The following ABCB9 variants were observed in gnomAD, a reference collection of about 807,000 sequenced individuals.
ABCB9 encodes ATP binding cassette subfamily B member 9.
A neutral mutation model predicts 62.0 loss-of-function variants in ABCB9; 36 were observed. That is an observed-to-expected ratio of 0.58 (90% confidence interval 0.45 to 0.77). The LOEUF is 0.77. Among genes scored for constraint, ABCB9 ranks in the 30% least tolerant of loss-of-function variants. The probability of loss-of-function intolerance (pLI) is 0.00; values close to 1 mark genes in which losing one functional copy is unlikely to be tolerated. For missense variants in ABCB9, 943 were observed against 1,054.7 expected, an observed-to-expected ratio of 0.89 and a Z score of 1.47; for synonymous variants, 435 against 461.4, an observed-to-expected ratio of 0.94 and a Z score of 0.73.
Position 122,930,288 on chromosome 12 carries a change from T to G in ABCB9, c.2041-117A>C. 1.9e-6 allele frequency: 2 copies of G among 1,066,970 alleles called. No homozygotes were observed. Among genetic ancestry groups the G allele is most frequent in the Non-Finnish European group, 2.6e-6 (2 of 762,426 alleles). The allele number at this position is 1,066,970 out of a possible 1,614,324, so 66.1% of individuals were successfully genotyped here. A position where few individuals can be genotyped will look rare whatever the true frequency, so the allele number is the denominator to read the frequency against. ...TCTCTGAGGCTCAGTTCACAAACGA[T>G]GGCCAGCTTCCTGGGTTTTTCTTAA... is the stretch of plus-strand genomic sequence containing the variant. On this transcript the variant is annotated intron_variant, in intron 11 of 11. Coordinates refer to ENST00000280560, the MANE Select transcript of ABCB9 (RefSeq NM_019625.4). This position sits in a 1 kb window ranked among gnomAD's most constrained non-coding sequence, Gnocchi z 4.9.
Position 122,948,676 on chromosome 12 carries a change from A to G in ABCB9, c.1001T>C (p.Met334Thr), listed in dbSNP as rs1403108689. Residue 334 changes from methionine (M) to threonine (T), a missense_variant, in exon 5 of 12, where the codon ATG (methionine) becomes ACG (threonine). By Grantham distance (81) the Met-to-Thr change is moderately conservative. Transcript: ENST00000280560. ...LSWQLSLVTF[M>T]GFPIIMMVSN... Reference sequence around the variant, plus strand: ...CACCATCATGATGATGGGGAAGCCCATGAAGGTGACCAAGGAGAGCTGCCA... The same window carrying G: ...CACCATCATGATGATGGGGAAGCCCGTGAAGGTGACCAAGGAGAGCTGCCA... 2.5e-6 allele frequency: 4 copies of G among 1,614,054 alleles called. No homozygotes were observed. The highest frequency in any genetic ancestry group is 2.5e-6 in the Non-Finnish European group (3 of 1,179,952).
At position 122,949,932 on chromosome 12, in the gene ABCB9, AGAGAT is replaced by A. The variant is rs1204583188; in HGVS notation, c.717-19_717-15del. 8 of 1,613,292 alleles carry A rather than the reference AGAGAT, an allele frequency of 5.0e-6. No homozygotes were observed. Among genetic ancestry groups the A allele is most frequent in the Non-Finnish European group, 6.8e-6 (8 of 1,179,436 alleles). ...GCGGCAAATGAGCTAATTGCAGATA[AGAGAT>A]ATTATAGCACGATGTCCTTCCAGAC... On this transcript the variant is annotated splice_polypyrimidine_tract_variant and intron_variant, in intron 3 of 11. Transcript: ENST00000280560.
chr12:122,940,178 T>C lies in ABCB9; in HGVS notation c.1676A>G (p.Glu559Gly), dbSNP rs2035677955. 6.2e-7 allele frequency: 1 copy of C among 1,613,428 alleles called. No homozygotes were observed. Among genetic ancestry groups the C allele is most frequent in the Non-Finnish European group, 8.5e-7 (1 of 1,179,828 alleles). The change falls in exon 9 of 12, where the codon GAG (glutamate) becomes GGG (glycine). Residue 559 changes from glutamate (E) to glycine (G), a missense_variant. By Grantham distance (98) the Glu-to-Gly change is moderately conservative. Coordinates refer to ENST00000280560, the MANE Select transcript of ABCB9 (RefSeq NM_019625.4). This position sits in a 1 kb window ranked among gnomAD's most constrained non-coding sequence, Gnocchi z 4.8. ...GCCGTCCAGCAGCACCCGGCCCCCC[T>C]CCAGGGGGTAGAAGTTCTCCAGGAT... Reference protein sequence around the residue: ...VNILENFYPLEGGRVLLDGKP... With the variant: ...VNILENFYPLGGGRVLLDGKP...
chr12:122,938,391 G>A (rs2135793339), intron 9 of ABCB9, among the ~76,000 whole-genome samples: 1 of 152,200 alleles, frequency 6.6e-6, no homozygotes, highest in Admixed American at 6.5e-5. Flanking sequence ...AATTAGCTGG[G>A]CATAATGGCA....
At chr12:122,954,456 C>T (rs113974324) in intron 2 of ABCB9, among the ~76,000 whole-genome samples, 2 of 151,966 alleles carry the variant, frequency 1.3e-5, no homozygotes, top group Admixed American at 6.6e-5. Flanking sequence ...GATCTGCCCC[C>T]CCTTGCTGAG....
In ABCB9 at chr12:122,948,780, CAGGTCGCTGACCATGGTGGTGTCCG is replaced by C; in HGVS notation, c.872_896del (p.Ser291TrpfsTer42). 1 of 1,607,100 alleles carries C rather than the reference CAGGTCGCTGACCATGGTGGTGTCCG, an allele frequency of 6.2e-7. No homozygotes were observed. Among genetic ancestry groups the C allele is most frequent in the Non-Finnish European group, 8.5e-7 (1 of 1,176,450 alleles). ...GGAAGACATTGATGTTCTGGGAGAC[CAGGTCGCTGACCATGGTGGTGTCCG>C]AGGTCAGGCGGGAGATGAGGTCCCC... On this transcript the variant is annotated frameshift_variant, in exon 5 of 12. Coordinates refer to ENST00000280560, the MANE Select transcript of ABCB9 (RefSeq NM_019625.4). LOFTEE classifies it high-confidence loss of function.
Position 122,956,042 on chromosome 12 carries a change from A to T in ABCB9, c.601+3593T>A, listed in dbSNP as rs1034442378. Among the ~76,000 whole-genome samples the T allele has an allele frequency of 2.0e-5, 3 of 152,318 alleles. No homozygotes were observed. In the East Asian group the frequency reaches 5.8e-4, roughly 29 times the overall value. On this transcript the variant is annotated intron_variant, in intron 2 of 11. Transcript: ENST00000280560. ...ATATGATTTTTATGTCATAAAAGCTATAACTGAGGTGCAGACAAAGTTACC... is the reference window on the plus strand; with the variant it reads ...ATATGATTTTTATGTCATAAAAGCTTTAACTGAGGTGCAGACAAAGTTACC...
chr12:122,967,250 T>C (rs750063399), upstream of ABCB9, among the ~76,000 whole-genome samples: 3 of 152,116 alleles, frequency 2.0e-5, no homozygotes, highest in African/African-American at 4.8e-5. Flanking sequence ...ATTCAGGTAC[T>C]GGATGCAGTA....
At chr12:122,920,668 G>A (rs1200990021), downstream of ABCB9, among the ~76,000 whole-genome samples, 1 of 152,138 alleles carries the variant, frequency 6.6e-6, no homozygotes, top group African/African-American at 2.4e-5. Context: ...ACTTTGGGAG[G>A]CCAAGGTGGG....
At position 122,957,866 on chromosome 12, in the gene ABCB9, T is replaced by C. The variant is rs916145969; in HGVS notation, c.601+1769A>G. On this transcript the variant is annotated intron_variant, in intron 2 of 11. Coordinates refer to ENST00000280560, the MANE Select transcript of ABCB9 (RefSeq NM_019625.4). Reference sequence around the variant, plus strand: ...CATCCACATTCATATGAAATGTGTATGAACAGAATTATTGACGTGCAGGTC... The same window carrying C: ...CATCCACATTCATATGAAATGTGTACGAACAGAATTATTGACGTGCAGGTC... Among the ~76,000 whole-genome samples, 12 of 151,508 alleles carry C rather than the reference T, an allele frequency of 7.9e-5. No homozygotes were observed. In the East Asian group the frequency reaches 2.3e-3, roughly 30 times the overall value.
chr12:122,927,610 G>C (rs534307279), downstream of ABCB9, among the ~76,000 whole-genome samples: 1 of 152,340 alleles, frequency 6.6e-6, no homozygotes, highest in East Asian at 1.9e-4. Context: ...CCATAGGAGA[G>C]GGAGAAGAAT....
At chr12:122,973,481 G>A (rs1438368381) in intron 1 of ABCB9, among the ~76,000 whole-genome samples, 1 of 142,946 alleles carries the variant, frequency 7.0e-6, no homozygotes, top group Non-Finnish European at 1.5e-5. Flanking sequence ...GGAGAATGGC[G>A]TGAACCCGGG....
chr12:122,965,856 G>A (rs1392562963), intron 1 of ABCB9, among the ~76,000 whole-genome samples: 1 of 152,240 alleles, frequency 6.6e-6, no homozygotes, highest in Non-Finnish European at 1.5e-5. Flanking sequence ...TGAGAAAAGG[G>A]CTTTGCCCAG....
upstream of ABCB9, among the ~76,000 whole-genome samples, chr12:122,968,149 A>G (rs12422394): frequency 1.7e-3 from 263 of 152,330 alleles, 7 homozygotes; most frequent in Admixed American, 0.015. Context: ...AAAACCAAGG[A>G]GAGAATAAAG....
At position 122,930,358 on chromosome 12, in the gene ABCB9, G is replaced by A. The variant is rs1263235112; in HGVS notation, c.2041-187C>T. Among the ~76,000 whole-genome samples, 1 of 151,946 alleles carries A rather than the reference G, an allele frequency of 6.6e-6. No individual in the cohort carries two copies. The highest frequency in any genetic ancestry group is 1.5e-5 in the Non-Finnish European group (1 of 67,988). The stretch of plus-strand genomic sequence containing the variant: ...AGACACAATGAGGCACCTGGTGAAT[G>A]GGGGATCAGCTCTACCCTGGCCCTC... On this transcript the variant is annotated intron_variant, in intron 11 of 11. Transcript: ENST00000280560. This position sits in a 1 kb window ranked among gnomAD's most constrained non-coding sequence, Gnocchi z 4.9.
chr12:122,948,717 G>A lies in ABCB9; in HGVS notation c.960C>T (p.Phe320=). The change falls in exon 5 of 12, where the codon TTC becomes TTT. Residue 320 remains phenylalanine, a synonymous_variant. Coordinates refer to ENST00000280560, the MANE Select transcript of ABCB9 (RefSeq NM_019625.4). ...NTVKVTGVVV[F]MFSLSWQLSL... The stretch of plus-strand genomic sequence containing the variant: ...AGAGCTGCCATGAGAGGCTGAACAT[G>A]AAGACCACCACGCCCGTGACCTTGA... 1 of 1,614,098 alleles carries A rather than the reference G, an allele frequency of 6.2e-7. No homozygotes were observed. Among genetic ancestry groups the A allele is most frequent in the Non-Finnish European group, 8.5e-7 (1 of 1,179,980 alleles).
Position 122,941,033 on chromosome 12 carries a change from C to A in ABCB9, c.1381-38G>T, listed in dbSNP as rs376463598. 1.8e-5 allele frequency: 28 copies of A among 1,529,936 alleles called. No homozygotes were observed. The African/African-American group carries it at 2.5e-4, about 13-fold the overall frequency. 94.8% of individuals were successfully genotyped at this position (1,529,936 alleles called of 1,614,324 possible). A position where few individuals can be genotyped will look rare whatever the true frequency, so the allele number is the denominator to read the frequency against. ...GACACGCGTTCCTGTCCCACCGATA[C>A]CCGACTCCTGGGACCCACCCCTGCT... On this transcript the variant is annotated intron_variant, in intron 7 of 11. Transcript: ENST00000280560.
intron 2 of ABCB9, among the ~76,000 whole-genome samples, chr12:122,956,687 A>C (rs945066095): frequency 6.6e-6 from 1 of 152,190 alleles, no homozygotes; most frequent in African/African-American, 2.4e-5. Context: ...CATCTGGCTA[A>C]GTTTTATATT....
chr12:122,960,124 T>C lies in ABCB9; in HGVS notation c.112A>G (p.Ile38Val), dbSNP rs1212428878. ...SHLDRSLLED[I>V]RHFNIFDSVL... Reference sequence around the variant, plus strand: ...GAGTCAAAGATGTTGAAGTGGCGGATGTCCTCCAGGAGGCTGCGGTCCAGG... The same window carrying C: ...GAGTCAAAGATGTTGAAGTGGCGGACGTCCTCCAGGAGGCTGCGGTCCAGG... The change falls in exon 2 of 12, where the codon ATC becomes GTC. Residue 38 changes from isoleucine (I) to valine (V), a missense_variant. Ile to Val is a conservative substitution (Grantham distance 29). Transcript: ENST00000280560. 1 of 1,613,564 alleles carries C rather than the reference T, an allele frequency of 6.2e-7. No individual in the cohort carries two copies. Among genetic ancestry groups the C allele is most frequent in the African/African-American group, 1.3e-5 (1 of 74,946 alleles).
Sources: gnomAD v4.1 joint callset for allele counts (sites outside exome capture counted in the v4.1 genomes callset) on GRCh38, gnomAD v4.1.1 for gene constraint, Gnocchi (gnomAD v3.1) non-coding constraint, MANE v1.5 for transcripts, NCBI Gene and HGNC (gene_info 2026-07-23, HGNC 2026-07-21) for gene names.